DPP10: variants seen among roughly 807,000 people sequenced by gnomAD.
The protein encoded by DPP10 is dipeptidyl peptidase like 10.
Under a neutral mutation model 120.9 loss-of-function variants are expected in DPP10, and 33 were observed. That is an observed-to-expected ratio of 0.27 (90% CI 0.21 to 0.37). The LOEUF (loss-of-function observed/expected upper bound fraction) is 0.37. Among genes scored for constraint, DPP10 ranks in the 10% least tolerant of loss-of-function variants. The pLI is 1.00. For synonymous variants in DPP10, 337 were observed against 326.1 expected (o/e 1.03, Z -0.36); for missense variants, 816 against 942.8 (o/e 0.87, Z 1.76).
intron 1 of DPP10, among the ~76,000 whole-genome samples, chr2:114,453,883 A>G (rs953937855): frequency 1.3e-5 from 2 of 152,200 alleles, no homozygotes; most frequent in Non-Finnish European, 2.9e-5. Context: ...TGGATATACA[A>G]TAGATATTAA....
intron 5 of DPP10, among the ~76,000 whole-genome samples, chr2:115,656,052 A>G (rs1425920565): frequency 6.6e-6 from 1 of 151,466 alleles, no homozygotes; most frequent in African/African-American, 2.4e-5. Flanking sequence ...CTGATGTGTA[A>G]CATAGTATCT....
At chr2:115,456,169 C>G (rs182503878) in intron 3 of DPP10, among the ~76,000 whole-genome samples, 1 of 152,200 alleles carries the variant, frequency 6.6e-6, no homozygotes, top group Admixed American at 6.5e-5. Context: ...AGACTCTTCT[C>G]AAAAGAAGAT....
chr2:115,542,586 G>A (rs1402343964), intron 5 of DPP10, among the ~76,000 whole-genome samples: 1 of 151,848 alleles, frequency 6.6e-6, no homozygotes, highest in Non-Finnish European at 1.5e-5. Context: ...CATATTTGTG[G>A]GAAGAGTGTC....
chr2:115,132,878 A>C (rs1573731309), intron 1 of DPP10, among the ~76,000 whole-genome samples: 1 of 151,954 alleles, frequency 6.6e-6, no homozygotes, highest in East Asian at 1.9e-4. Flanking sequence ...ATCTTGATTT[A>C]TACCTAAAAA....
intron 1 of DPP10, among the ~76,000 whole-genome samples, chr2:115,106,977 A>G (rs2048977440): frequency 6.6e-6 from 1 of 151,664 alleles, no homozygotes; most frequent in Non-Finnish European, 1.5e-5. Context: ...CGGGAGACTG[A>G]GGCAGGAGAA....
At chr2:114,793,068 T>C (rs1683389423) in intron 1 of DPP10, among the ~76,000 whole-genome samples, 1 of 151,800 alleles carries the variant, frequency 6.6e-6, no homozygotes, top group Non-Finnish European at 1.5e-5. Context: ...TGCTCATATT[T>C]TCCCAGTTTT....
chr2:114,967,297 A>G (rs992520976), intron 1 of DPP10, among the ~76,000 whole-genome samples: 1 of 152,322 alleles, frequency 6.6e-6, no homozygotes, highest in East Asian at 1.9e-4. Context: ...TCTGGTGTCC[A>G]AGTGAGTTGT....
At chr2:114,914,847 T>G (rs1045405509) in intron 1 of DPP10, among the ~76,000 whole-genome samples, 1 of 152,028 alleles carries the variant, frequency 6.6e-6, no homozygotes, top group Non-Finnish European at 1.5e-5. Context: ...AATAAAGAAA[T>G]GGGGCCGGGC....
intron 5 of DPP10, among the ~76,000 whole-genome samples, chr2:115,645,978 ATGTTT>A (rs1236714537): frequency 6.6e-6 from 1 of 152,164 alleles, no homozygotes; most frequent in African/African-American, 2.4e-5. Flanking sequence ...ATAAGGCGTT[ATGTTT>A]TGTTTTTTGT....
intron 1 of DPP10, among the ~76,000 whole-genome samples, chr2:114,555,886 A>T (rs145737788): frequency 9.3e-4 from 141 of 152,234 alleles, no homozygotes; most frequent in African/African-American, 3.2e-3. Context: ...AGAACATAGT[A>T]TCCTCAAGGC....
At chr2:115,804,184 T>C (rs938375676) in intron 19 of DPP10, among the ~76,000 whole-genome samples, 3 of 152,214 alleles carry the variant, frequency 2.0e-5, no homozygotes, top group African/African-American at 7.2e-5. Context: ...ATTCATTTCG[T>C]CTTCTATCGC....
At chr2:115,120,486 T>A (rs1161228798) in intron 1 of DPP10, among the ~76,000 whole-genome samples, 3 of 152,062 alleles carry the variant, frequency 2.0e-5, no homozygotes, top group African/African-American at 7.2e-5. Flanking sequence ...GTGGAGAGGG[T>A]AGAGATGTCA....
At chr2:115,332,221 T>C (rs967382162) in intron 2 of DPP10, among the ~76,000 whole-genome samples, 2 of 152,208 alleles carry the variant, frequency 1.3e-5, no homozygotes, top group African/African-American at 4.8e-5. Flanking sequence ...TAGAGGTGTT[T>C]ATAGTATTCT....
At chr2:115,151,479 C>T (rs947673206) in intron 1 of DPP10, among the ~76,000 whole-genome samples, 4 of 147,794 alleles carry the variant, frequency 2.7e-5, no homozygotes, top group Non-Finnish European at 6.0e-5. Context: ...GTGATCTCGG[C>T]TCACTGCAAC....
chr2:115,597,057 A>T, intron 5 of DPP10, among the ~76,000 whole-genome samples: 1 of 152,214 alleles, frequency 6.6e-6, no homozygotes, highest in East Asian at 1.9e-4. Context: ...AAGCAGGCAC[A>T]GCTGGAAGTA....
intron 19 of DPP10, among the ~76,000 whole-genome samples, chr2:115,797,692 G>A (rs1046282133): frequency 8.6e-5 from 13 of 151,960 alleles, no homozygotes; most frequent in Admixed American, 1.3e-4. Context: ...TAGAAGGGGA[G>A]AAGGTGATCA....
intron 2 of DPP10, among the ~76,000 whole-genome samples, chr2:115,325,509 C>T (rs919723378): frequency 2.6e-5 from 4 of 151,982 alleles, no homozygotes; most frequent in East Asian, 1.9e-4. Flanking sequence ...CAATAAAGTA[C>T]GTTCAGTAGA....
intron 5 of DPP10, among the ~76,000 whole-genome samples, chr2:115,617,117 GATAC>G (rs2149268278): frequency 1.3e-5 from 2 of 149,706 alleles, no homozygotes; most frequent in African/African-American, 4.9e-5. Context: ...AGGTGCTGGG[GATAC>G]AATTATAGAC....
intron 5 of DPP10, among the ~76,000 whole-genome samples, chr2:115,573,672 C>T (rs2081484832): frequency 6.7e-6 from 1 of 149,936 alleles, no homozygotes; most frequent in Non-Finnish European, 1.5e-5. Flanking sequence ...ACTGCAACCT[C>T]CGCCTCCTGG....
Sources: allele counts gnomAD v4.1 joint callset (sites outside exome capture counted in the v4.1 genomes callset), GRCh38; gene constraint gnomAD v4.1.1; transcripts MANE v1.5; gene names NCBI Gene and HGNC (gene_info 2026-07-23, HGNC 2026-07-21).